Variants in CIAO1 observed in about 807,000 individuals in gnomAD.
CIAO1 encodes the protein probable cytosolic iron-sulfur protein assembly protein CIAO1.
Under a neutral mutation model 43.1 loss-of-function variants are expected in CIAO1, and 32 were observed. The ratio of observed to expected loss-of-function variants is 0.74; its 90% confidence interval spans 0.56 to 1.00. The LOEUF (loss-of-function observed/expected upper bound fraction) is 1.00, where lower values mean the gene tolerates loss of function less well. Among genes scored for constraint, CIAO1 ranks in the 50% least tolerant of loss-of-function variants. The pLI is 0.00. For synonymous variants in CIAO1, 183 were observed against 171.4 expected (o/e 1.07, Z -0.53); for missense variants, 415 against 437.4 (o/e 0.95, Z 0.46).
intron 5 of CIAO1, chr2:96,268,914 T>C: frequency 1.8e-6 from 1 of 568,346 alleles, no homozygotes; most frequent in Non-Finnish European, 3.1e-6. Context: ...TGAGTAAAGA[T>C]AACAATGGCG....
At chr2:96,270,983 G>C in intron 6 of CIAO1, 128 bp from the exon 7 acceptor site, 1 of 1,167,608 alleles carries the variant, frequency 8.6e-7, no homozygotes, top group Non-Finnish European at 1.2e-6. Context: ...TATTAGTTAA[G>C]GAAACATTTT....
intron 1 of CIAO1, among the ~76,000 whole-genome samples, chr2:96,266,938 C>G (rs950718798): frequency 1.1e-4 from 16 of 152,012 alleles, no homozygotes; most frequent in Non-Finnish European, 2.2e-4. Flanking sequence ...AGGTCAAGAC[C>G]AGCCTGGCCA....
chr2:96,273,288 A>AAGAC lies in CIAO1; in HGVS notation c.*1940_*1943dup, dbSNP rs995693740. On this transcript the variant is annotated 3_prime_UTR_variant, in exon 7 of 7. Coordinates refer to ENST00000488633, the MANE Select transcript of CIAO1 (RefSeq NM_004804.3). ...GGCTCAAAGATTGATTCAAAAGTGT[A>AAGAC]AGACAGGCCAGTGGATTTTAATGTA... 1 of 152,266 alleles carries AAGAC rather than the reference A, an allele frequency of 6.6e-6. No individual in the cohort carries two copies. The highest frequency in any genetic ancestry group is 2.1e-4 in the South Asian group (1 of 4,836). The allele number at this position is 152,266 out of a possible 1,614,324, so 9.4% of individuals were successfully genotyped here.
chr2:96,270,252 A>G (rs1430207631), intron 6 of CIAO1, among the ~76,000 whole-genome samples: 2 of 152,132 alleles, frequency 1.3e-5, no homozygotes, highest in Non-Finnish European at 2.9e-5. Context: ...CACGCCTGTA[A>G]TCCCAACACT....
At position 96,267,391 on chromosome 2, in the gene CIAO1, C is replaced by G; in HGVS notation, c.210C>G (p.Ser70=). Residue 70 remains serine (S), a synonymous_variant, in exon 2 of 7, where the codon TCC becomes TCG. Transcript: ENST00000488633. ...HQRTVRKVAW[S]PCGNYLASAS... Reference sequence around the variant, plus strand: ...GCACCGTGCGGAAGGTAGCCTGGTCCCCCTGCGGTAATTACCTGGCCTCTG... The same window carrying G: ...GCACCGTGCGGAAGGTAGCCTGGTCGCCCTGCGGTAATTACCTGGCCTCTG... 1 of 1,614,170 alleles carries G rather than the reference C, an allele frequency of 6.2e-7. No homozygotes were observed. Among genetic ancestry groups the G allele is most frequent in the Non-Finnish European group, 8.5e-7 (1 of 1,180,032 alleles).
At chr2:96,270,153 A>G (rs993378982) in intron 6 of CIAO1, among the ~76,000 whole-genome samples, 6 of 152,354 alleles carry the variant, frequency 3.9e-5, no homozygotes, top group African/African-American at 1.2e-4. Flanking sequence ...AAGTGAACTT[A>G]AGTAAATTAT....
chr2:96,268,650 A>G lies in CIAO1; in HGVS notation c.683A>G (p.Asn228Ser), dbSNP rs140260270. 2.5e-4 allele frequency: 403 copies of G among 1,614,172 alleles called. No individual in the cohort carries two copies. The highest frequency in any genetic ancestry group is 2.9e-4 in the Non-Finnish European group (341 of 1,180,010). The change falls in exon 5 of 7, where the codon AAT (asparagine) becomes AGT (serine). Residue 228 changes from asparagine to serine, a missense_variant. Transcript: ENST00000488633. ...VRIWRQYLPG[N>S]EQGVACSGSD... ...ATCTGGCGTCAGTATCTACCAGGCAATGAACAAGGTGAGGTCCATTAGTAG... is the reference window on the plus strand; with the variant it reads ...ATCTGGCGTCAGTATCTACCAGGCAGTGAACAAGGTGAGGTCCATTAGTAG...
At position 96,269,338 on chromosome 2, in the gene CIAO1, C is replaced by T. The variant is rs772197431; in HGVS notation, c.762C>T (p.Thr254=). The change falls in exon 6 of 7, where the codon ACC becomes ACT. Residue 254 remains threonine (T), a synonymous_variant. Coordinates refer to ENST00000488633, the MANE Select transcript of CIAO1 (RefSeq NM_004804.3). ...ICTLSGFHSR[T]IYDIAWCQLT... is the part of the protein sequence containing the mutation. Reference sequence around the variant, plus strand: ...CTTTGTCCGGCTTCCACTCAAGGACCATTTATGACATTGCTTGGTAAGACT... The same window carrying T: ...CTTTGTCCGGCTTCCACTCAAGGACTATTTATGACATTGCTTGGTAAGACT... The T allele has an allele frequency of 7.4e-6, 12 of 1,614,098 alleles. No homozygotes were observed. The highest frequency in any genetic ancestry group is 1.0e-5 in the Non-Finnish European group (12 of 1,179,972).
chr2:96,268,405 G>C (rs563370317), intron 4 of CIAO1, 52 bp from the exon 5 acceptor site: 1 of 1,507,968 alleles, frequency 6.6e-7, no homozygotes, highest in Non-Finnish European at 9.2e-7. Flanking sequence ...CCTGTCCTTT[G>C]CTTCCTGGGC....
rs1027415109 is a variant in CIAO1 at position 96,273,019 on chromosome 2, T to G, written c.*1668T>G. 2 of 152,204 alleles carry G rather than the reference T, an allele frequency of 1.3e-5. No homozygotes were observed. The highest frequency in any genetic ancestry group is 4.8e-5 in the African/African-American group (2 of 41,458). The allele number at this position is 152,204 out of a possible 1,614,324, so 9.4% of individuals were successfully genotyped here. A position where few individuals can be genotyped will look rare whatever the true frequency, so the allele number is the denominator to read the frequency against. On this transcript the variant is annotated 3_prime_UTR_variant, in exon 7 of 7. Coordinates refer to ENST00000488633, the MANE Select transcript of CIAO1 (RefSeq NM_004804.3). ...ATTACGGTATTTAGACTTGAATATT[T>G]GGCTGATATTTTCTGGAAATTAATG...
rs958551724 is a variant in CIAO1, at chr2:96,272,354, G to A, written c.*1003G>A. 6.6e-6 allele frequency: 1 copy of A among 152,260 alleles called. No individual in the cohort carries two copies. The highest frequency in any genetic ancestry group is 6.5e-5 in the Admixed American group (1 of 15,284). 9.4% of individuals were successfully genotyped at this position (152,260 alleles called of 1,614,324 possible). A position where few individuals can be genotyped will look rare whatever the true frequency, so the allele number is the denominator to read the frequency against. On this transcript the variant is annotated 3_prime_UTR_variant, in exon 7 of 7. Coordinates refer to ENST00000488633, the MANE Select transcript of CIAO1 (RefSeq NM_004804.3). ...CAGTGGGGCTGTACCTAGAATAGTGGTTCTCGAAGAATGCGGCCTGCAGAT... is the reference window on the plus strand; with the variant it reads ...CAGTGGGGCTGTACCTAGAATAGTGATTCTCGAAGAATGCGGCCTGCAGAT...
Position 96,271,361 on chromosome 2 carries a change from A to C in CIAO1, c.*10A>C. On this transcript the variant is annotated 3_prime_UTR_variant, in exon 7 of 7. Transcript: ENST00000488633. Reference sequence around the variant, plus strand: ...GCCTGAAGGCCTCTGAGCTACCTCGACTTTGGACAGAGTAATGACTCCCCA... The same window carrying C: ...GCCTGAAGGCCTCTGAGCTACCTCGCCTTTGGACAGAGTAATGACTCCCCA... 1.2e-6 allele frequency: 2 copies of C among 1,612,480 alleles called. No individual in the cohort carries two copies. The highest frequency in any genetic ancestry group is 1.7e-6 in the Non-Finnish European group (2 of 1,179,352).
At position 96,266,314 on chromosome 2, in the gene CIAO1, C is replaced by T; in HGVS notation, c.-37C>T. On this transcript the variant is annotated 5_prime_UTR_variant, in exon 1 of 7. Coordinates refer to ENST00000488633, the MANE Select transcript of CIAO1 (RefSeq NM_004804.3). ...TGAGACCCGCTGTCTGCTCAGCGGA[C>T]TCTGCCCGCCCCCACCTCCCCCTGC... 1.5e-6 allele frequency: 2 copies of T among 1,363,604 alleles called. No homozygotes were observed. Among genetic ancestry groups the T allele is most frequent in the Non-Finnish European group, 1.9e-6 (2 of 1,043,860 alleles). 84.5% of individuals were successfully genotyped at this position (1,363,604 alleles called of 1,614,324 possible).
chr2:96,266,524 T>G, intron 1 of CIAO1, 35 bp downstream of exon 1: 1 of 1,412,252 alleles, frequency 7.1e-7, no homozygotes. Flanking sequence ...CCCTCAGCGC[T>G]GAGGGCTCAG....
rs926312010 is a variant in CIAO1, at chr2:96,273,098, C to T, written c.*1747C>T. The T allele has an allele frequency of 6.6e-6, 1 of 152,214 alleles. No individual in the cohort carries two copies. The highest frequency in any genetic ancestry group is 2.4e-5 in the African/African-American group (1 of 41,448). The allele number at this position is 152,214 out of a possible 1,614,324, so 9.4% of individuals were successfully genotyped here. On this transcript the variant is annotated 3_prime_UTR_variant, in exon 7 of 7. Coordinates refer to ENST00000488633, the MANE Select transcript of CIAO1 (RefSeq NM_004804.3). Reference sequence around the variant, plus strand: ...ACTGATAGTGTTGCCAGTGATAAAGCTTTCAAGCAAAAATTGGAATTTCCG... The same window carrying T: ...ACTGATAGTGTTGCCAGTGATAAAGTTTTCAAGCAAAAATTGGAATTTCCG...
rs572415505 is a variant in CIAO1, at chr2:96,266,250, C to A, written c.-101C>A. 2 of 1,232,566 alleles carry A rather than the reference C, an allele frequency of 1.6e-6. No individual in the cohort carries two copies. Among genetic ancestry groups the A allele is most frequent in the Admixed American group, 4.1e-5 (1 of 24,380 alleles). 76.4% of individuals were successfully genotyped at this position (1,232,566 alleles called of 1,614,324 possible). On this transcript the variant is annotated 5_prime_UTR_variant, in exon 1 of 7. Coordinates refer to ENST00000488633, the MANE Select transcript of CIAO1 (RefSeq NM_004804.3). Reference sequence around the variant, plus strand: ...GGCGGAAGCGGGAGCCTCTGTCGGCCGCGGAAGCCTGGAGTGGGCGGTACG... The same window carrying A: ...GGCGGAAGCGGGAGCCTCTGTCGGCAGCGGAAGCCTGGAGTGGGCGGTACG...
rs2104322853 is a variant in CIAO1, at chr2:96,272,985, A to G, written c.*1634A>G. ...AAGGCATGCCCTTTAGAATTGAAAGAACTAGCAGATTACGGTATTTAGACT... is the reference window on the plus strand; with the variant it reads ...AAGGCATGCCCTTTAGAATTGAAAGGACTAGCAGATTACGGTATTTAGACT... On this transcript the variant is annotated 3_prime_UTR_variant, in exon 7 of 7. Transcript: ENST00000488633. 1 of 152,198 alleles carries G rather than the reference A, an allele frequency of 6.6e-6. No homozygotes were observed. The highest frequency in any genetic ancestry group is 1.9e-4 in the East Asian group (1 of 5,194). The allele number at this position is 152,198 out of a possible 1,614,324, so 9.4% of individuals were successfully genotyped here. A position where few individuals can be genotyped will look rare whatever the true frequency, so the allele number is the denominator to read the frequency against.
At chr2:96,269,560 G>A (rs1233392895) in intron 6 of CIAO1, among the ~76,000 whole-genome samples, 1 of 152,238 alleles carries the variant, frequency 6.6e-6, no homozygotes, top group African/African-American at 2.4e-5. Flanking sequence ...GTCCCAGGCT[G>A]TGAGGGTAGC....
intron 6 of CIAO1, 74 bp downstream of exon 6, chr2:96,269,429 C>G: frequency 2.2e-6 from 3 of 1,356,564 alleles, no homozygotes; most frequent in Non-Finnish European, 3.2e-6. Context: ...CCTATGCAGT[C>G]CTCTGCAACC....
Sources: allele counts gnomAD v4.1 joint callset (sites outside exome capture counted in the v4.1 genomes callset), GRCh38; gene constraint gnomAD v4.1.1; transcripts MANE v1.5; gene names NCBI Gene and HGNC (gene_info 2026-07-23, HGNC 2026-07-21).